The following RBFOX1 variants were observed in gnomAD, a reference collection of about 807,000 sequenced individuals.
RBFOX1 encodes RNA binding protein fox-1 homolog 1.
A neutral mutation model predicts 57.7 loss-of-function variants in RBFOX1; 8 were observed. That is an observed-to-expected ratio of 0.14 (90% CI 0.08 to 0.25). RBFOX1 has a LOEUF of 0.25. Among genes scored for constraint, RBFOX1 ranks in the 10% least tolerant of loss-of-function variants. The pLI is 1.00. For synonymous variants in RBFOX1, 326 were observed against 222.4 expected, an observed-to-expected ratio of 1.47 and a Z score of -4.15; for missense variants, 611 against 548.5, an observed-to-expected ratio of 1.11 and a Z score of -1.14.
chr16:6,540,470 G>T, intron 2 of RBFOX1, among the ~76,000 whole-genome samples: 1 of 151,872 alleles, frequency 6.6e-6, no homozygotes, highest in East Asian at 1.9e-4. Context: ...AAATTAGCCA[G>T]GTGTGGTGGC....
intron 1 of RBFOX1, among the ~76,000 whole-genome samples, chr16:5,408,456 C>T (rs188532353): frequency 6.6e-6 from 1 of 152,156 alleles, no homozygotes; most frequent in Non-Finnish European, 1.5e-5. Context: ...AAACTGAAGT[C>T]TGCACTCTGT....
At chr16:6,082,008 C>T (rs75468598) in intron 1 of RBFOX1, among the ~76,000 whole-genome samples, 51 of 152,196 alleles carry the variant, frequency 3.4e-4, no homozygotes, top group African/African-American at 1.2e-3. Flanking sequence ...GGAGTCAAAG[C>T]ATAGTTTTGA....
At chr16:7,664,227 G>A (rs1356543939) in intron 12 of RBFOX1, among the ~76,000 whole-genome samples, 3 of 152,060 alleles carry the variant, frequency 2.0e-5, no homozygotes, top group African/African-American at 7.2e-5. Flanking sequence ...TCCTGCACTT[G>A]TCCATATTAA....
chr16:5,498,890 G>A (rs1287610808), intron 2 of RBFOX1, among the ~76,000 whole-genome samples: 2 of 152,192 alleles, frequency 1.3e-5, no homozygotes, highest in South Asian at 2.1e-4. Flanking sequence ...TTTGGCCATC[G>A]TGGGTCTGCA....
chr16:7,642,625 A>T (rs1423441316), intron 11 of RBFOX1, among the ~76,000 whole-genome samples: 2 of 152,178 alleles, frequency 1.3e-5, no homozygotes, highest in Non-Finnish European at 2.9e-5. Flanking sequence ...AACATGAATG[A>T]TTTAACAATT....
intron 3 of RBFOX1, among the ~76,000 whole-genome samples, chr16:6,752,413 G>A (rs1270745369): frequency 2.0e-5 from 3 of 152,274 alleles, no homozygotes; most frequent in African/African-American, 7.2e-5. Context: ...TTGGCCACAA[G>A]GAAGTGATAG....
intron 1 of RBFOX1, among the ~76,000 whole-genome samples, chr16:5,306,801 C>CAGA (rs2063948806): frequency 6.6e-6 from 1 of 152,154 alleles, no homozygotes; most frequent in South Asian, 2.1e-4. Flanking sequence ...TCTTGCAGGA[C>CAGA]CGTAAGACAA....
intron 3 of RBFOX1, among the ~76,000 whole-genome samples, chr16:6,772,826 T>A (rs111163847): frequency 1.4e-5 from 2 of 144,888 alleles, no homozygotes; most frequent in East Asian, 2.2e-4. Flanking sequence ...CATTTGTGTG[T>A]ATGTGAGTGT....
rs1036206269 is a variant in RBFOX1 at position 6,480,145 on chromosome 16, C to A, written c.-64+163088C>A. ...AAAAGAGGAAGGAGACTAGTTTTTA[C>A]CTGAGTTTGAGAGCTCCTTTTGTTC... On this transcript the variant is annotated intron_variant, in intron 2 of 15. Coordinates refer to ENST00000550418, the MANE Select transcript of RBFOX1 (RefSeq NM_018723.4). Among the ~76,000 whole-genome samples, 3 of 151,722 alleles carry A rather than the reference C, an allele frequency of 2.0e-5. 1 individual carries two copies. Among genetic ancestry groups the A allele is most frequent in the Non-Finnish European group, 4.4e-5 (3 of 67,988 alleles).
At chr16:5,499,410 C>T (rs1166048932) in intron 2 of RBFOX1, among the ~76,000 whole-genome samples, 3 of 152,158 alleles carry the variant, frequency 2.0e-5, no homozygotes, top group Non-Finnish European at 2.9e-5. Flanking sequence ...TCCTGACCCA[C>T]CTTTCAGGTT....
intron 3 of RBFOX1, among the ~76,000 whole-genome samples, chr16:5,623,949 C>T (rs1249341806): frequency 6.6e-6 from 1 of 152,196 alleles, no homozygotes; most frequent in African/African-American, 2.4e-5. Flanking sequence ...GCACAATCAA[C>T]TTTAGAACAT....
At chr16:6,554,845 C>G (rs1296541289) in intron 2 of RBFOX1, among the ~76,000 whole-genome samples, 1 of 149,528 alleles carries the variant, frequency 6.7e-6, no homozygotes, top group Non-Finnish European at 1.5e-5. Context: ...CTCTCCCTCT[C>G]ACTCTCGCTC....
rs976442489 is a variant in RBFOX1, at chr16:5,947,383, G to C, written c.351+80048G>C. ...CAATGACAGATTTTTGTTCTGTTTTGTTTTCAGACAGGGTCTTGCTCTCGC... is the reference window on the plus strand; with the variant it reads ...CAATGACAGATTTTTGTTCTGTTTTCTTTTCAGACAGGGTCTTGCTCTCGC... On this transcript the variant is annotated intron_variant, in intron 4 of 19. Transcript: ENST00000641259. The surrounding 1 kb of genome is among the most constrained non-coding windows in gnomAD (Gnocchi z 7.2). Among the ~76,000 whole-genome samples the C allele has an allele frequency of 6.6e-6, 1 of 152,166 alleles. No individual in the cohort carries two copies. The highest frequency in any genetic ancestry group is 2.4e-5 in the African/African-American group (1 of 41,446).
intron 2 of RBFOX1, among the ~76,000 whole-genome samples, chr16:6,550,491 A>C (rs2096970255): frequency 6.6e-6 from 1 of 151,468 alleles, no homozygotes; most frequent in African/African-American, 2.4e-5. Context: ...ATGCCCACCT[A>C]ATTTTCGTGT....
At chr16:5,758,162 G>A (rs1487781067) in intron 3 of RBFOX1, among the ~76,000 whole-genome samples, 20 of 152,168 alleles carry the variant, frequency 1.3e-4, no homozygotes, top group African/African-American at 1.4e-4. Context: ...ACTAATTAGC[G>A]TTTCTTCTGA....
At chr16:6,349,862 G>A (rs1354935059) in intron 2 of RBFOX1, among the ~76,000 whole-genome samples, 1 of 152,152 alleles carries the variant, frequency 6.6e-6, no homozygotes, top group African/African-American at 2.4e-5. Context: ...AGAGGTCCAA[G>A]GAGATAAGAA....
At chr16:5,674,686 G>A (rs191543990) in intron 3 of RBFOX1, among the ~76,000 whole-genome samples, 26 of 152,296 alleles carry the variant, frequency 1.7e-4, no homozygotes, top group Admixed American at 4.6e-4. Context: ...AATACGTGGC[G>A]AATGCATGGA....
intron 4 of RBFOX1, among the ~76,000 whole-genome samples, chr16:7,143,496 A>G (rs1350659864): frequency 1.3e-5 from 2 of 152,130 alleles, no homozygotes; most frequent in Non-Finnish European, 2.9e-5. Flanking sequence ...CCATATTCCC[A>G]TATCCTACCC....
chr16:7,252,502 G>C (rs1015345416), intron 4 of RBFOX1, among the ~76,000 whole-genome samples: 3 of 152,124 alleles, frequency 2.0e-5, no homozygotes, highest in African/African-American at 7.2e-5. Context: ...ATTTTGCACA[G>C]ATCTTTATAT....
Sources: gnomAD v4.1 joint callset for allele counts (sites outside exome capture counted in the v4.1 genomes callset) on GRCh38, gnomAD v4.1.1 for gene constraint, Gnocchi (gnomAD v3.1) non-coding constraint, MANE v1.5 for transcripts, NCBI Gene and HGNC (gene_info 2026-07-23, HGNC 2026-07-21) for gene names.